Variants in HELB observed in about 807,000 individuals in gnomAD.
HELB encodes the protein DNA 5'-3' helicase B.
In HELB, 96 loss-of-function variants were observed where a neutral mutation model predicts 101.7. The observed-to-expected ratio is 0.94, with a 90% CI of 0.80 to 1.12. The LOEUF is 1.12. Among genes scored for constraint, HELB ranks in the 50% most tolerant of loss-of-function variants. HELB has a pLI of 0.00. For missense variants in HELB, 1,210 were observed against 1,291.9 expected (o/e 0.94, Z 0.97); for synonymous variants, 437 against 459.7 (o/e 0.95, Z 0.63).
At chr12:66,329,012 T>C (rs61925880) in intron 11 of HELB, among the ~76,000 whole-genome samples, 215 of 152,336 alleles carry the variant, frequency 1.4e-3, no homozygotes, top group Non-Finnish European at 2.3e-3. Context: ...GAAGATTTTG[T>C]GGCTCTTCAT....
At chr12:66,323,017 G>A (rs370664827) in intron 9 of HELB, among the ~76,000 whole-genome samples, 1 of 151,590 alleles carries the variant, frequency 6.6e-6, no homozygotes, top group African/African-American at 2.4e-5. Flanking sequence ...AAATTTTTTT[G>A]GTTTCAACCT....
intron 6 of HELB, among the ~76,000 whole-genome samples, chr12:66,318,125 A>G (rs2053630810): frequency 6.6e-6 from 1 of 152,182 alleles, no homozygotes; most frequent in African/African-American, 2.4e-5. Context: ...ATATAATGTA[A>G]ACATATGGAA....
chr12:66,303,193 T>C lies in HELB; in HGVS notation c.187+403T>C, dbSNP rs1024274583. ...TTTACGCTTAAGGAAACAGTGGATG[T>C]TGAGTCTCTATTTCCACCCAGAATC... On this transcript the variant is annotated intron_variant, in intron 1 of 12. Coordinates refer to ENST00000247815, the MANE Select transcript of HELB (RefSeq NM_001370285.1). 2.9e-4 allele frequency among the ~76,000 whole-genome samples: 44 copies of C among 151,794 alleles called. 1 individual carries two copies. The highest frequency in any genetic ancestry group is 9.7e-4 in the East Asian group (5 of 5,172).
intron 2 of HELB, among the ~76,000 whole-genome samples, chr12:66,305,423 T>A (rs2053463150): frequency 6.6e-6 from 1 of 152,134 alleles, no homozygotes; most frequent in Non-Finnish European, 1.5e-5. Flanking sequence ...TTCACAGCGA[T>A]TACCTTGAAT....
At chr12:66,310,769 A>G (rs911793361) in intron 4 of HELB, among the ~76,000 whole-genome samples, 161 bp downstream of exon 4, 1 of 152,052 alleles carries the variant, frequency 6.6e-6, no homozygotes, top group Non-Finnish European at 1.5e-5. Flanking sequence ...TGTCTCTACT[A>G]AAATACAAAA....
In HELB at chr12:66,325,022, A is replaced by G. The variant is rs1321777116; in HGVS notation, c.2566A>G (p.Thr856Ala). 4 of 1,612,676 alleles carry G rather than the reference A, an allele frequency of 2.5e-6. No homozygotes were observed. In the Admixed American group the frequency reaches 6.7e-5, roughly 27 times the overall value. Residue 856 changes from threonine (T) to alanine (A), a missense_variant, in exon 11 of 13, where the codon ACC becomes GCC. Transcript: ENST00000247815. ...AACTTTTGGAAAGAGAAGATCTTTGACCATTAATAATATGGCTGGCCTGGA... is the reference window on the plus strand; with the variant it reads ...AACTTTTGGAAAGAGAAGATCTTTGGCCATTAATAATATGGCTGGCCTGGA... ...DVTFGKRRSL[T>A]INNMAGLEVT... is the part of the protein sequence containing the mutation.
At chr12:66,326,571 G>A (rs761942366) in intron 11 of HELB, among the ~76,000 whole-genome samples, 1 of 151,920 alleles carries the variant, frequency 6.6e-6, no homozygotes, top group Non-Finnish European at 1.5e-5. Context: ...AAAAATTTAG[G>A]TCAGCCCAAA....
At chr12:66,330,610 A>G (rs2053794544) in intron 11 of HELB, among the ~76,000 whole-genome samples, 1 of 148,288 alleles carries the variant, frequency 6.7e-6, no homozygotes. Context: ...TGTGGCTTTA[A>G]AGTATCTCTG....
At chr12:66,337,780 C>G (rs572898583) in intron 12 of HELB, among the ~76,000 whole-genome samples, 68 of 152,272 alleles carry the variant, frequency 4.5e-4, no homozygotes, top group South Asian at 1.2e-3. Flanking sequence ...ATAGTTACTT[C>G]TAAATGCCAG....
chr12:66,338,384 G>A (rs2053889472), downstream of HELB: 1 of 233,186 alleles, frequency 4.3e-6, no homozygotes, highest in Non-Finnish European at 8.2e-6. Context: ...GCTCATGCCT[G>A]TAATCCCAGC....
At chr12:66,309,473 A>G (rs1451634022) in intron 3 of HELB, among the ~76,000 whole-genome samples, 2 of 152,162 alleles carry the variant, frequency 1.3e-5, no homozygotes, top group Non-Finnish European at 2.9e-5. Flanking sequence ...GCCTTATAGT[A>G]TTATTTCACT....
intron 11 of HELB, among the ~76,000 whole-genome samples, chr12:66,325,868 C>T (rs1001050599): frequency 2.7e-4 from 41 of 152,158 alleles, no homozygotes; most frequent in Admixed American, 1.4e-3. Context: ...TTTATCCCCC[C>T]GCCCCCAACT....
intron 11 of HELB, 60 bp downstream of exon 11, chr12:66,325,186 T>C: frequency 8.1e-7 from 1 of 1,230,222 alleles, no homozygotes; most frequent in East Asian, 2.3e-5. Context: ...GCGCCTTGCA[T>C]TGTTTTCGTA....
Position 66,305,154 on chromosome 12 carries a change from A to G in HELB, c.607+4A>G, listed in dbSNP as rs2053460166. The G allele has an allele frequency of 6.6e-7, 1 of 1,512,204 alleles. No homozygotes were observed. 93.7% of individuals were successfully genotyped at this position (1,512,204 alleles called of 1,614,324 possible). A position where few individuals can be genotyped will look rare whatever the true frequency, so the allele number is the denominator to read the frequency against. On this transcript the variant is annotated splice_donor_region_variant and intron_variant, in intron 2 of 12. Coordinates refer to ENST00000247815, the MANE Select transcript of HELB (RefSeq NM_001370285.1). ...AGTCTTCCTCTGGAAAACACAAGTA[A>G]GTGTGATTTTTATCATCAACTTTCA...
At chr12:66,330,918 G>C (rs2053798131) in intron 11 of HELB, among the ~76,000 whole-genome samples, 1 of 151,986 alleles carries the variant, frequency 6.6e-6, no homozygotes, top group Admixed American at 6.6e-5. Flanking sequence ...TTGCTGCTGG[G>C]TTTCTACAAG....
At chr12:66,326,711 C>T (rs1263248158) in intron 11 of HELB, among the ~76,000 whole-genome samples, 1 of 144,044 alleles carries the variant, frequency 6.9e-6, no homozygotes, top group Non-Finnish European at 1.5e-5. Flanking sequence ...TAAAAATGCC[C>T]ACAATTCAGC....
intron 11 of HELB, among the ~76,000 whole-genome samples, chr12:66,328,803 AATG>A (rs145198903): frequency 0.013 from 1,999 of 152,320 alleles, 102 homozygotes; most frequent in Admixed American, 0.089. Context: ...TATATGTTAA[AATG>A]ATGATATTTT....
At chr12:66,336,937 T>C (rs939747505) in intron 12 of HELB, among the ~76,000 whole-genome samples, 3 of 152,166 alleles carry the variant, frequency 2.0e-5, no homozygotes, top group Non-Finnish European at 4.4e-5. Context: ...GAGTAGGGAA[T>C]GAGTTCTCAG....
chr12:66,337,951 C>T (rs1014452715), intron 12 of HELB, 50 bp from the exon 13 acceptor site: 1 of 1,069,476 alleles, frequency 9.4e-7, no homozygotes, highest in Non-Finnish European at 1.4e-6. Flanking sequence ...GTAGGGTAGA[C>T]TAACTACATT....
Sources: gnomAD v4.1 joint callset for allele counts (sites outside exome capture counted in the v4.1 genomes callset) on GRCh38, gnomAD v4.1.1 for gene constraint, MANE v1.5 for transcripts, NCBI Gene and HGNC (gene_info 2026-07-23, HGNC 2026-07-21) for gene names.